DTL: variants seen among roughly 807,000 people sequenced by gnomAD.
DTL encodes the protein denticleless protein homolog.
In DTL, 46 loss-of-function variants were observed where a neutral mutation model predicts 87.0. The observed-to-expected ratio is 0.53, with a 90% CI of 0.42 to 0.68. The LOEUF is 0.68. Among genes scored for constraint, DTL ranks in the 30% least tolerant of loss-of-function variants. DTL has a pLI of 0.00. For missense variants in DTL, 737 were observed against 869.4 expected, an observed-to-expected ratio of 0.85 and a Z score of 1.91; for synonymous variants, 308 against 311.2, an observed-to-expected ratio of 0.99 and a Z score of 0.11.
chr1:212,071,977 G>C (rs1039073072), intron 10 of DTL, 124 bp from the exon 11 acceptor site: 1 of 671,170 alleles, frequency 1.5e-6, no homozygotes, highest in Non-Finnish European at 2.6e-6. Context: ...GATGGATAAA[G>C]CTAGATCATC....
chr1:212,076,664 C>T (rs1654839963), intron 11 of DTL, among the ~76,000 whole-genome samples: 1 of 152,198 alleles, frequency 6.6e-6, no homozygotes. Flanking sequence ...TAATTTGCTG[C>T]TACCAGACCT....
intron 13 of DTL, among the ~76,000 whole-genome samples, chr1:212,096,519 C>T (rs921705159): frequency 2.6e-5 from 4 of 152,206 alleles, no homozygotes; most frequent in Non-Finnish European, 4.4e-5. Context: ...ATGCTGTGAA[C>T]TTTCCTCTTA....
chr1:212,092,318 T>C (rs553291826), intron 13 of DTL, among the ~76,000 whole-genome samples: 1 of 152,168 alleles, frequency 6.6e-6, no homozygotes, highest in African/African-American at 2.4e-5. Flanking sequence ...GTGGATCACC[T>C]GAGGTCAGGA....
At chr1:212,061,390 A>G (rs903882131) in intron 5 of DTL, among the ~76,000 whole-genome samples, 3 of 152,202 alleles carry the variant, frequency 2.0e-5, no homozygotes, top group Admixed American at 6.5e-5. Context: ...TAGAATGGCT[A>G]TTATTAAACA....
intron 13 of DTL, among the ~76,000 whole-genome samples, chr1:212,083,207 G>A (rs538232105): frequency 9.7e-4 from 148 of 152,228 alleles, no homozygotes; most frequent in African/African-American, 3.3e-3. Context: ...CATGGATGGC[G>A]GCAGGCAAAG....
intron 14 of DTL, among the ~76,000 whole-genome samples, chr1:212,101,331 A>C (rs1655619617): frequency 6.6e-6 from 1 of 152,186 alleles, no homozygotes; most frequent in South Asian, 2.1e-4. Context: ...GCTGTATTTT[A>C]TCTGGCAACT....
rs1323721732 is a variant in DTL at position 212,103,801 on chromosome 1, T to C, written c.*861T>C. 6.6e-6 allele frequency: 1 copy of C among 152,198 alleles called. No individual in the cohort carries two copies. Among genetic ancestry groups the C allele is most frequent in the Non-Finnish European group, 1.5e-5 (1 of 68,038 alleles). The allele number at this position is 152,198 out of a possible 1,614,324, so 9.4% of individuals were successfully genotyped here. On this transcript the variant is annotated 3_prime_UTR_variant, in exon 15 of 15. Transcript: ENST00000366991. Reference sequence around the variant, plus strand: ...AATTCAGGTGCAGTCATCAGTTCTTTAGGGGCTGCAATGTTTTAAAAAAAA... The same window carrying C: ...AATTCAGGTGCAGTCATCAGTTCTTCAGGGGCTGCAATGTTTTAAAAAAAA...
intron 13 of DTL, among the ~76,000 whole-genome samples, chr1:212,088,610 T>C (rs1655195034): frequency 6.6e-6 from 1 of 152,174 alleles, no homozygotes; most frequent in African/African-American, 2.4e-5. Context: ...CCTTGAAACA[T>C]GAGAAGAATT....
rs117030422 is a variant in DTL, at chr1:212,047,377, A to G, written c.420A>G (p.Gln140=). Residue 140 remains glutamine, a synonymous_variant, in exon 5 of 15, where the codon CAA becomes CAG. Coordinates refer to ENST00000366991, the MANE Select transcript of DTL (RefSeq NM_016448.4). ...TGATTGGAACATGCAAAGGTCATCAATGCAGCCTCAAGTCAGTTGCCTTTT... is the reference window on the plus strand; with the variant it reads ...TGATTGGAACATGCAAAGGTCATCAGTGCAGCCTCAAGTCAGTTGCCTTTT... ...GELIGTCKGH[Q]CSLKSVAFSK... is the part of the protein sequence containing the mutation. 3,514 of 1,614,222 alleles carry G rather than the reference A, an allele frequency of 2.2e-3. 15 individuals are homozygous for G. The highest frequency in any genetic ancestry group is 0.012 in the East Asian group (519 of 44,886).
Position 212,103,419 on chromosome 1 carries a change from T to G in DTL, c.*479T>G, listed in dbSNP as rs1451957316. ...CCAACATGTATAATTTTATTTGAAA[T>G]ACATAATCTTTTCACTATGCTTTTG... On this transcript the variant is annotated 3_prime_UTR_variant, in exon 15 of 15. Coordinates refer to ENST00000366991, the MANE Select transcript of DTL (RefSeq NM_016448.4). 6.6e-6 allele frequency: 1 copy of G among 152,300 alleles called. No individual in the cohort carries two copies. The highest frequency in any genetic ancestry group is 1.5e-5 in the Non-Finnish European group (1 of 68,106). The allele number at this position is 152,300 out of a possible 1,614,324, so 9.4% of individuals were successfully genotyped here. A position where few individuals can be genotyped will look rare whatever the true frequency, so the allele number is the denominator to read the frequency against.
chr1:212,083,963 C>T (rs1463856674), intron 13 of DTL, among the ~76,000 whole-genome samples: 1 of 152,062 alleles, frequency 6.6e-6, no homozygotes, highest in African/African-American at 2.4e-5. Context: ...TATCTTTAAG[C>T]TTGAGTTTTA....
At chr1:212,097,653 T>C (rs1655490285) in intron 13 of DTL, among the ~76,000 whole-genome samples, 1 of 152,196 alleles carries the variant, frequency 6.6e-6, no homozygotes, top group South Asian at 2.1e-4. Flanking sequence ...AAATTTAAGT[T>C]GGTTTTCATC....
intron 11 of DTL, among the ~76,000 whole-genome samples, chr1:212,075,718 G>T (rs1654807827): frequency 6.6e-6 from 1 of 152,030 alleles, no homozygotes; most frequent in Admixed American, 6.5e-5. Context: ...TATTCAGATA[G>T]AATTCATATA....
chr1:212,095,322 G>C (rs1405036430), intron 13 of DTL, among the ~76,000 whole-genome samples: 3 of 152,124 alleles, frequency 2.0e-5, no homozygotes, highest in Non-Finnish European at 4.4e-5. Flanking sequence ...GATTTTGTCA[G>C]ACGTTTTTTC....
chr1:212,041,361 C>T (rs1178960100), intron 1 of DTL, among the ~76,000 whole-genome samples: 1 of 151,478 alleles, frequency 6.6e-6, no homozygotes, highest in African/African-American at 2.4e-5. Flanking sequence ...TCAAAAGTCC[C>T]TTTTGAGTTT....
chr1:212,040,862 A>G (rs58729268), intron 1 of DTL, among the ~76,000 whole-genome samples: 10,879 of 152,266 alleles, frequency 0.071, 652 homozygotes, highest in African/African-American at 0.16. Flanking sequence ...AAAATGGCAC[A>G]CAATTTAAAA....
At chr1:212,074,729 G>A (rs560739186) in intron 11 of DTL, among the ~76,000 whole-genome samples, 5 of 152,110 alleles carry the variant, frequency 3.3e-5, no homozygotes, top group Non-Finnish European at 5.9e-5. Flanking sequence ...GCTCTTCTAC[G>A]TGTTCAAAAA....
At chr1:212,063,708 G>T (rs1405968748) in intron 6 of DTL, among the ~76,000 whole-genome samples, 1 of 151,796 alleles carries the variant, frequency 6.6e-6, no homozygotes, top group Non-Finnish European at 1.5e-5. Flanking sequence ...ATTTTTTTTT[G>T]TGTCTGCATT....
chr1:212,085,549 C>T (rs1327972813), intron 13 of DTL, among the ~76,000 whole-genome samples: 1 of 152,138 alleles, frequency 6.6e-6, no homozygotes, highest in Non-Finnish European at 1.5e-5. Flanking sequence ...GGACATAAGT[C>T]CCTTATCATG....
Sources: allele counts gnomAD v4.1 joint callset (sites outside exome capture counted in the v4.1 genomes callset), GRCh38; gene constraint gnomAD v4.1.1; transcripts MANE v1.5; gene names NCBI Gene and HGNC (gene_info 2026-07-23, HGNC 2026-07-21).